Variants in NRXN1 observed in about 807,000 individuals in gnomAD.
The protein encoded by NRXN1 is neurexin 1.
Under a neutral mutation model 150.9 loss-of-function variants are expected in NRXN1, and 39 were observed. That is an observed-to-expected ratio of 0.26 (90% CI 0.20 to 0.34). The LOEUF (loss-of-function observed/expected upper bound fraction) is 0.34, where lower values mean the gene tolerates loss of function less well. NRXN1 is among the 10% of genes least tolerant of loss of function. The pLI, the probability that NRXN1 is intolerant of heterozygous loss-of-function variation, is 1.00. For missense variants in NRXN1, 1,815 were observed against 1,949.9 expected (o/e 0.93, Z 1.30); for synonymous variants, 924 against 757.0 (o/e 1.22, Z -3.62).
intron 17 of NRXN1, among the ~76,000 whole-genome samples, chr2:50,435,400 G>A (rs191322424): frequency 1.1e-3 from 174 of 152,206 alleles, no homozygotes; most frequent in African/African-American, 3.8e-3. Flanking sequence ...TTGAATTCCC[G>A]AAGTACTTCA....
At chr2:50,727,601 C>G (rs1697548117) in intron 5 of NRXN1, among the ~76,000 whole-genome samples, 2 of 151,914 alleles carry the variant, frequency 1.3e-5, no homozygotes, top group Admixed American at 1.3e-4. Flanking sequence ...AAACCTAACA[C>G]CTAGATAGTG....
intron 5 of NRXN1, among the ~76,000 whole-genome samples, chr2:50,639,387 G>C (rs1331223403): frequency 6.6e-6 from 1 of 151,340 alleles, no homozygotes; most frequent in African/African-American, 2.4e-5. Context: ...GGCCCAGCTA[G>C]TTTTTGTATT....
chr2:50,539,134 C>T (rs1009876340), intron 9 of NRXN1, among the ~76,000 whole-genome samples: 13 of 143,306 alleles, frequency 9.1e-5, no homozygotes, highest in African/African-American at 3.5e-4. Flanking sequence ...CTTCATCACT[C>T]CTAGCTGTAT....
chr2:50,653,941 A>G (rs1686007090), intron 5 of NRXN1, among the ~76,000 whole-genome samples: 1 of 142,742 alleles, frequency 7.0e-6, no homozygotes, highest in African/African-American at 2.6e-5. Context: ...GAATCTCACT[A>G]TGCCCCCTAC....
At chr2:50,294,371 G>C (rs1255757295) in intron 17 of NRXN1, among the ~76,000 whole-genome samples, 1 of 152,044 alleles carries the variant, frequency 6.6e-6, no homozygotes, top group African/African-American at 2.4e-5. Flanking sequence ...TCTGAAAACA[G>C]TAACAACAGA....
At chr2:50,360,751 G>A (rs560221085) in intron 17 of NRXN1, among the ~76,000 whole-genome samples, 1 of 152,136 alleles carries the variant, frequency 6.6e-6, no homozygotes, top group African/African-American at 2.4e-5. Context: ...CTCAGCTCTG[G>A]AACAAGCAGA....
intron 2 of NRXN1, among the ~76,000 whole-genome samples, chr2:50,961,742 C>A (rs1317797143): frequency 5.0e-4 from 76 of 151,618 alleles, no homozygotes; most frequent in Non-Finnish European, 3.0e-5. Context: ...CCAAAATGAC[C>A]CCAAATGGCA....
chr2:50,842,353 T>C (rs910045105), intron 5 of NRXN1, among the ~76,000 whole-genome samples: 2 of 152,202 alleles, frequency 1.3e-5, no homozygotes, highest in Non-Finnish European at 2.9e-5. Flanking sequence ...AGAATGTGTC[T>C]TAGGCAATTT....
intron 2 of NRXN1, among the ~76,000 whole-genome samples, chr2:50,946,535 A>T (rs1299652238): frequency 1.3e-5 from 2 of 152,164 alleles, no homozygotes; most frequent in Non-Finnish European, 2.9e-5. Context: ...TCTGGGTGTG[A>T]GAAAACTGCC....
intron 5 of NRXN1, among the ~76,000 whole-genome samples, chr2:50,678,256 G>C (rs1379008269): frequency 3.3e-5 from 5 of 152,084 alleles, no homozygotes; most frequent in East Asian, 3.9e-4. Flanking sequence ...GCATTGTTTA[G>C]ATTAATATAA....
chr2:50,308,438 C>T (rs1031272129), intron 17 of NRXN1, among the ~76,000 whole-genome samples: 14 of 152,112 alleles, frequency 9.2e-5, no homozygotes, highest in Non-Finnish European at 1.6e-4. Flanking sequence ...GGCAGTCTTC[C>T]TGCCTCAGCC....
At chr2:50,901,377 T>C (rs895753778) in intron 5 of NRXN1, among the ~76,000 whole-genome samples, 3 of 151,390 alleles carry the variant, frequency 2.0e-5, no homozygotes, top group Non-Finnish European at 4.4e-5. Context: ...CTACTAAAAA[T>C]ACAAAAAAAA....
At chr2:50,166,918 A>G (rs546211594) in intron 18 of NRXN1, among the ~76,000 whole-genome samples, 56 of 152,292 alleles carry the variant, frequency 3.7e-4, no homozygotes, top group African/African-American at 1.2e-3. Flanking sequence ...AGAGTGGTAG[A>G]GTTTAGCAAA....
Position 50,346,850 on chromosome 2 carries a change from G to A in NRXN1, c.3365-109880C>T. 6.4e-7 allele frequency: 1 copy of A among 1,568,090 alleles called. No individual in the cohort carries two copies. The highest frequency in any genetic ancestry group is 8.6e-7 in the Non-Finnish European group (1 of 1,157,346). ...CTGAGGGTGAGCGGGACTATCCAAA[G>A]CAGGGCCAGGCGCCCCCCTGCGCCG... On this transcript the variant is annotated intron_variant, in intron 17 of 22. Transcript: ENST00000401669. The surrounding 1 kb of genome is among the most constrained non-coding windows in gnomAD (Gnocchi z 5.0).
chr2:50,963,881 C>G lies in NRXN1; in HGVS notation c.773-37926G>C, dbSNP rs147947257. ...AGCATACACAATGTTCTGAAAATAG[C>G]CAACTCAATAAATATTTGTTTAATG... On this transcript the variant is annotated intron_variant, in intron 2 of 22. Coordinates refer to ENST00000401669, the MANE Select transcript of NRXN1 (RefSeq NM_001330078.2). 9.4e-4 allele frequency: 315 copies of G among 335,126 alleles called. 2 individuals carry two copies. Among genetic ancestry groups the G allele is most frequent in the Admixed American group, 2.8e-3 (80 of 28,156 alleles). The allele number at this position is 335,126 out of a possible 1,614,324, so 20.8% of individuals were successfully genotyped here.
At chr2:50,877,210 T>C (rs755006531) in intron 5 of NRXN1, among the ~76,000 whole-genome samples, 15 of 151,386 alleles carry the variant, frequency 9.9e-5, no homozygotes, top group Non-Finnish European at 1.8e-4. Context: ...CACACACACA[T>C]ATATATACAC....
At chr2:49,960,447 C>T (rs1321278672) in intron 21 of NRXN1, among the ~76,000 whole-genome samples, 1 of 152,168 alleles carries the variant, frequency 6.6e-6, no homozygotes, top group Non-Finnish European at 1.5e-5. Context: ...TAATCATTTT[C>T]ACCATTGTTG....
chr2:50,670,464 C>A (rs148120103), intron 5 of NRXN1, among the ~76,000 whole-genome samples: 1 of 151,990 alleles, frequency 6.6e-6, no homozygotes, highest in East Asian at 1.9e-4. Flanking sequence ...AGAAGAGCTG[C>A]AGTGTTAGTA....
At chr2:50,625,294 G>C (rs1043773352) in intron 5 of NRXN1, among the ~76,000 whole-genome samples, 1 of 152,070 alleles carries the variant, frequency 6.6e-6, no homozygotes, top group African/African-American at 2.4e-5. Flanking sequence ...TCAAACCATA[G>C]CAATAAATAT....
Sources: gnomAD v4.1 joint callset for allele counts (sites outside exome capture counted in the v4.1 genomes callset) on GRCh38, gnomAD v4.1.1 for gene constraint, Gnocchi (gnomAD v3.1) non-coding constraint, MANE v1.5 for transcripts, NCBI Gene and HGNC (gene_info 2026-07-23, HGNC 2026-07-21) for gene names.